The following KIF2A variants were observed in gnomAD, a reference collection of about 807,000 sequenced individuals.
KIF2A encodes kinesin family member 2A, also known as kinesin-like protein KIF2A.
KIF2A carries 22 observed loss-of-function variants against 100.2 expected under a neutral mutation model. The ratio of observed to expected loss-of-function variants is 0.22; its 90% CI spans 0.16 to 0.31. The LOEUF (loss-of-function observed/expected upper bound fraction) is 0.31. KIF2A is among the 10% of genes least tolerant of loss of function. The pLI, the probability that KIF2A is intolerant of heterozygous loss-of-function variation, is 1.00. For missense variants in KIF2A, 495 were observed against 898.7 expected (o/e 0.55, Z 5.74); for synonymous variants, 268 against 285.9 (o/e 0.94, Z 0.63).
intron 1 of KIF2A, among the ~76,000 whole-genome samples, chr5:62,318,492 C>CT (rs1745941771): frequency 6.6e-6 from 1 of 152,180 alleles, no homozygotes; most frequent in Admixed American, 6.5e-5. Flanking sequence ...TAACTTCGCT[C>CT]TAAGTATATG....
intron 1 of KIF2A, among the ~76,000 whole-genome samples, chr5:62,326,076 C>T (rs1580013009): frequency 6.6e-6 from 1 of 152,038 alleles, no homozygotes; most frequent in African/African-American, 2.4e-5. Context: ...CGGTGACATG[C>T]AATTTACTCA....
At chr5:62,316,870 C>T (rs1745840943) in intron 1 of KIF2A, among the ~76,000 whole-genome samples, 1 of 151,944 alleles carries the variant, frequency 6.6e-6, no homozygotes, top group African/African-American at 2.4e-5. Context: ...AAATAATGGA[C>T]CAATTAATGA....
At chr5:62,359,674 G>C (rs1239020091) in intron 9 of KIF2A, among the ~76,000 whole-genome samples, 1 of 151,898 alleles carries the variant, frequency 6.6e-6, no homozygotes, top group Non-Finnish European at 1.5e-5. Context: ...ACAAATACAG[G>C]CATGTTTCTG....
At chr5:62,338,560 G>A (rs1204434860) in intron 1 of KIF2A, among the ~76,000 whole-genome samples, 1 of 152,084 alleles carries the variant, frequency 6.6e-6, no homozygotes, top group Non-Finnish European at 1.5e-5. Context: ...ACAGTGCTGG[G>A]ATTACAGGCC....
chr5:62,345,971 T>A (rs73760589), intron 1 of KIF2A, among the ~76,000 whole-genome samples: 7 of 152,110 alleles, frequency 4.6e-5, no homozygotes, highest in African/African-American at 1.7e-4. Context: ...GTTGGTGTGC[T>A]TCTAGGAATT....
At chr5:62,340,031 C>T (rs112128208) in intron 1 of KIF2A, among the ~76,000 whole-genome samples, 13,594 of 151,422 alleles carry the variant, frequency 0.09, 771 homozygotes, top group African/African-American at 0.16. Flanking sequence ...CTCTGCCTCC[C>T]GGGTTCAAGC....
intron 1 of KIF2A, among the ~76,000 whole-genome samples, chr5:62,310,305 C>G (rs1745501589): frequency 6.6e-6 from 1 of 152,066 alleles, no homozygotes; most frequent in South Asian, 2.1e-4. Context: ...CCACCCACCT[C>G]AGCCTCCCAA....
chr5:62,385,339 G>A (rs1580111530), intron 20 of KIF2A, 145 bp from the exon 21 acceptor site: 1 of 566,326 alleles, frequency 1.8e-6, no homozygotes, highest in South Asian at 2.7e-5. Context: ...ATTTAGTTCC[G>A]AGTTTCTAGA....
chr5:62,309,671 T>C (rs1164993256), intron 1 of KIF2A, among the ~76,000 whole-genome samples: 1 of 152,198 alleles, frequency 6.6e-6, no homozygotes, highest in East Asian at 1.9e-4. Flanking sequence ...TTCAGACCAT[T>C]ATTAACTGGT....
intron 20 of KIF2A, 41 bp downstream of exon 20, chr5:62,381,294 A>G (rs759493689): frequency 1.9e-6 from 3 of 1,557,744 alleles, no homozygotes; most frequent in Admixed American, 1.7e-5. Context: ...TCTGATTGGT[A>G]TTGGTATGTA....
intron 1 of KIF2A, among the ~76,000 whole-genome samples, chr5:62,340,118 G>A (rs992438278): frequency 8.6e-5 from 13 of 151,918 alleles, no homozygotes; most frequent in African/African-American, 1.2e-4. Context: ...TGTGTTTTTA[G>A]TAGAGAGGGG....
rs1395509287 is a variant in KIF2A, at chr5:62,381,186, C to T, written c.2082C>T (p.Val694=). The change falls in exon 20 of 21, where the codon GTC becomes GTT. Residue 694 remains valine (V), a synonymous_variant. Transcript: ENST00000407818. ...TGACTGAAGAAGTAGATTATGATGT[C>T]GATTCATATGCTACACAACTTGAAG... is the stretch of plus-strand genomic sequence containing the variant. ...LEMTEEVDYD[V]DSYATQLEAI... The T allele has an allele frequency of 3.1e-6, 5 of 1,604,320 alleles. No individual in the cohort carries two copies. The South Asian group carries it at 3.3e-5, about 11-fold the overall frequency.
intron 16 of KIF2A, 80 bp downstream of exon 16, chr5:62,366,561 G>A (rs1324907919): frequency 4.7e-6 from 4 of 858,686 alleles, no homozygotes; most frequent in Non-Finnish European, 7.5e-6. Flanking sequence ...GCCTCGTGCG[G>A]TGGCTCACGC....
chr5:62,343,018 C>G (rs1747376655), intron 1 of KIF2A, among the ~76,000 whole-genome samples: 1 of 152,128 alleles, frequency 6.6e-6, no homozygotes, highest in Non-Finnish European at 1.5e-5. Context: ...TCCCAAAGTG[C>G]TGGGATTACA....
In KIF2A at chr5:62,324,860, T is replaced by TAGG. The variant is rs1746284074; in HGVS notation, c.64+18327_64+18329dup. ...CAACAAAAAGAAAAAAAATGACAAA[T>TAGG]AGGAGCTAATTAAAGAGCTTCTGCA... On this transcript the variant is annotated intron_variant, in intron 1 of 20. Coordinates refer to ENST00000407818, the MANE Select transcript of KIF2A (RefSeq NM_001098511.3). Among the ~76,000 whole-genome samples the TAGG allele has an allele frequency of 4.6e-5, 7 of 151,794 alleles. 1 individual carries two copies. The South Asian group carries it at 1.5e-3, about 32-fold the overall frequency.
Position 62,389,135 on chromosome 5 carries a change from T to A in KIF2A, c.*3566T>A, listed in dbSNP as rs1269518816. On this transcript the variant is annotated 3_prime_UTR_variant, in exon 21 of 21. Coordinates refer to ENST00000407818, the MANE Select transcript of KIF2A (RefSeq NM_001098511.3). Reference sequence around the variant, plus strand: ...GTATATAGTTCTATACCATTAATACTAAAACATGAATACAGCATGCTTACA... The same window carrying A: ...GTATATAGTTCTATACCATTAATACAAAAACATGAATACAGCATGCTTACA... The A allele has an allele frequency of 8.3e-7, 1 of 1,199,556 alleles. No homozygotes were observed. The highest frequency in any genetic ancestry group is 1.5e-5 in the African/African-American group (1 of 64,896). 74.3% of individuals were successfully genotyped at this position (1,199,556 alleles called of 1,614,324 possible).
In KIF2A at chr5:62,386,300, G is replaced by A. The variant is rs948966616; in HGVS notation, c.*731G>A. On this transcript the variant is annotated 3_prime_UTR_variant, in exon 21 of 21. Transcript: ENST00000407818. ...ATTATTTTAAAACCATATAACATGT[G>A]ATTATAATTTTTCTTAGCATTTTCT... is the stretch of plus-strand genomic sequence containing the variant. 6.6e-6 allele frequency: 1 copy of A among 152,548 alleles called. No individual in the cohort carries two copies. Among genetic ancestry groups the A allele is most frequent in the Non-Finnish European group, 1.5e-5 (1 of 68,008 alleles). 9.4% of individuals were successfully genotyped at this position (152,548 alleles called of 1,614,324 possible).
At chr5:62,337,363 G>A (rs148876450) in intron 1 of KIF2A, among the ~76,000 whole-genome samples, 99 of 152,054 alleles carry the variant, frequency 6.5e-4, no homozygotes, top group African/African-American at 1.9e-3. Context: ...GTGGTGGCGC[G>A]TGCATGTAAT....
At chr5:62,381,962 T>C (rs1438055848) in intron 20 of KIF2A, among the ~76,000 whole-genome samples, 1 of 152,218 alleles carries the variant, frequency 6.6e-6, no homozygotes, top group Non-Finnish European at 1.5e-5. Flanking sequence ...GTCGTGTCTT[T>C]TTGGTTTTTT....
Sources: allele counts gnomAD v4.1 joint callset (sites outside exome capture counted in the v4.1 genomes callset), GRCh38; gene constraint gnomAD v4.1.1; transcripts MANE v1.5; gene names NCBI Gene and HGNC (gene_info 2026-07-23, HGNC 2026-07-21).